The following LRBA variants were observed in gnomAD, a reference collection of about 807,000 sequenced individuals.
LRBA encodes the protein LPS responsive beige-like anchor protein.
LRBA carries 176 observed loss-of-function variants against 330.0 expected under a neutral mutation model. The ratio of observed to expected loss-of-function variants is 0.53; its 90% CI spans 0.47 to 0.60. LRBA has a LOEUF of 0.60. Among genes scored for constraint, LRBA ranks in the 20% least tolerant of loss-of-function variants. The pLI, the probability that LRBA is intolerant of heterozygous loss-of-function variation, is 0.00. For synonymous variants in LRBA, 1,230 were observed against 1,193.0 expected (o/e 1.03, Z -0.64); for missense variants, 3,259 against 3,444.8 (o/e 0.95, Z 1.35).
chr4:150,429,304 G>A (rs1750056845), intron 46 of LRBA, among the ~76,000 whole-genome samples: 1 of 152,008 alleles, frequency 6.6e-6, no homozygotes, highest in African/African-American at 2.4e-5. Context: ...TCAGGTGAAA[G>A]GAAAAGGAAA....
At chr4:150,699,476 G>C (rs1327302365) in intron 36 of LRBA, among the ~76,000 whole-genome samples, 1 of 152,148 alleles carries the variant, frequency 6.6e-6, no homozygotes, top group African/African-American at 2.4e-5. Flanking sequence ...GTATTCTCCA[G>C]AGCTCTGATA....
intron 17 of LRBA, among the ~76,000 whole-genome samples, chr4:150,891,027 C>T (rs1223158699): frequency 6.6e-6 from 1 of 151,966 alleles, no homozygotes; most frequent in Non-Finnish European, 1.5e-5. Context: ...GATACTCTGG[C>T]ACCAAAAAGA....
intron 30 of LRBA, among the ~76,000 whole-genome samples, chr4:150,824,871 C>A (rs1406181535): frequency 6.6e-6 from 1 of 152,016 alleles, no homozygotes; most frequent in African/African-American, 2.4e-5. Context: ...AACTCCTGGG[C>A]TCCAGTGATC....
At chr4:150,906,197 C>A (rs1348857731) in intron 12 of LRBA, 100 bp downstream of exon 12, 6 of 874,122 alleles carry the variant, frequency 6.9e-6, no homozygotes, top group Non-Finnish European at 1.1e-5. Flanking sequence ...TTTCTGTAAC[C>A]AAGGAGACAT....
intron 37 of LRBA, among the ~76,000 whole-genome samples, chr4:150,638,368 G>C (rs1053690414): frequency 6.6e-6 from 1 of 152,082 alleles, no homozygotes; most frequent in Non-Finnish European, 1.5e-5. Flanking sequence ...ATTTCTCTCA[G>C]TAAAGCTTTA....
intron 2 of LRBA, among the ~76,000 whole-genome samples, chr4:150,996,141 T>C (rs1258549254): frequency 2.0e-5 from 3 of 151,636 alleles, no homozygotes; most frequent in East Asian, 1.9e-4. Context: ...TGGGCATTAA[T>C]TGGTAATCAG....
At chr4:150,617,847 T>A (rs1775917274) in intron 37 of LRBA, among the ~76,000 whole-genome samples, 1 of 152,108 alleles carries the variant, frequency 6.6e-6, no homozygotes. Flanking sequence ...GGCTCATGAC[T>A]GAAATCCCAG....
chr4:150,839,180 A>G (rs886407964), intron 28 of LRBA, among the ~76,000 whole-genome samples: 3 of 152,206 alleles, frequency 2.0e-5, no homozygotes, highest in Non-Finnish European at 4.4e-5. Flanking sequence ...AATCAAGACC[A>G]CAATGAGATA....
chr4:150,476,285 T>C (rs1756693476), intron 42 of LRBA, among the ~76,000 whole-genome samples: 1 of 152,208 alleles, frequency 6.6e-6, no homozygotes, highest in African/African-American at 2.4e-5. Flanking sequence ...TATTTTGATA[T>C]GTTATACCTC....
At chr4:150,568,309 T>A (rs774927628) in intron 40 of LRBA, among the ~76,000 whole-genome samples, 1 of 152,142 alleles carries the variant, frequency 6.6e-6, no homozygotes, top group South Asian at 2.1e-4. Flanking sequence ...GGTAGGACTT[T>A]AAGGATTTTA....
intron 30 of LRBA, among the ~76,000 whole-genome samples, chr4:150,823,925 G>A (rs1244782005): frequency 6.6e-6 from 1 of 152,070 alleles, no homozygotes; most frequent in Non-Finnish European, 1.5e-5. Context: ...AGTCTCTGTG[G>A]TTCCATATAG....
At chr4:150,942,272 A>G (rs1335285096) in intron 2 of LRBA, among the ~76,000 whole-genome samples, 2 of 152,198 alleles carry the variant, frequency 1.3e-5, no homozygotes, top group African/African-American at 2.4e-5. Flanking sequence ...CTAAGATCAT[A>G]ATTGTAAAAA....
chr4:150,283,529 G>A (rs1747809453), intron 54 of LRBA, among the ~76,000 whole-genome samples: 1 of 152,172 alleles, frequency 6.6e-6, no homozygotes, highest in Admixed American at 6.5e-5. Flanking sequence ...ATTACTCATG[G>A]CCACATGGAA....
intron 40 of LRBA, among the ~76,000 whole-genome samples, chr4:150,522,066 C>A (rs1382730753): frequency 6.6e-6 from 1 of 152,046 alleles, no homozygotes; most frequent in Non-Finnish European, 1.5e-5. Context: ...TTACATAACA[C>A]AAAATTATTA....
intron 2 of LRBA, among the ~76,000 whole-genome samples, chr4:151,012,598 C>A (rs1052279558): frequency 1.4e-4 from 22 of 152,158 alleles, no homozygotes; most frequent in Non-Finnish European, 2.6e-4. Context: ...ACAAGATCCC[C>A]AAAATGTTGA....
intron 9 of LRBA, among the ~76,000 whole-genome samples, chr4:150,912,489 C>T (rs1418135500): frequency 6.6e-6 from 1 of 152,236 alleles, no homozygotes; most frequent in African/African-American, 2.4e-5. Context: ...TTGTTTCCCA[C>T]TGATTCTACA....
chr4:150,971,583 T>C (rs1356820842), intron 2 of LRBA, among the ~76,000 whole-genome samples: 2 of 152,206 alleles, frequency 1.3e-5, no homozygotes, highest in Non-Finnish European at 2.9e-5. Flanking sequence ...CCTCATGTCT[T>C]AATAAAATCT....
intron 47 of LRBA, among the ~76,000 whole-genome samples, chr4:150,402,308 C>T (rs1257354373): frequency 3.3e-5 from 5 of 149,628 alleles, no homozygotes; most frequent in Admixed American, 6.7e-5. Flanking sequence ...AATGCCTAAG[C>T]ATATTGCTAC....
chr4:150,521,065 C>T (rs1473401304), intron 40 of LRBA, among the ~76,000 whole-genome samples: 1 of 151,986 alleles, frequency 6.6e-6, no homozygotes, highest in African/African-American at 2.4e-5. Context: ...ATGGCTATAA[C>T]ATGTATAATG....
Sources: allele counts gnomAD v4.1 joint callset (sites outside exome capture counted in the v4.1 genomes callset), GRCh38; gene constraint gnomAD v4.1.1; transcripts MANE v1.5; gene names NCBI Gene and HGNC (gene_info 2026-07-23, HGNC 2026-07-21).